Variants in TANC2 observed in about 807,000 individuals in gnomAD.
TANC2 encodes tetratricopeptide repeat, ankyrin repeat and coiled-coil containing 2, also known as protein TANC2.
A neutral mutation model predicts 210.5 loss-of-function variants in TANC2; 26 were observed. The observed-to-expected ratio is 0.12, with a 90% CI of 0.09 to 0.17. The LOEUF (loss-of-function observed/expected upper bound fraction) is 0.17. Among genes scored for constraint, TANC2 ranks in the 10% least tolerant of loss-of-function variants. The pLI is 1.00. For missense variants in TANC2, 2,129 were observed against 2,608.9 expected (o/e 0.82, Z 4.01); for synonymous variants, 931 against 967.1 (o/e 0.96, Z 0.69).
intron 9 of TANC2, among the ~76,000 whole-genome samples, chr17:63,272,722 T>A (rs1225136459): frequency 6.6e-6 from 1 of 152,134 alleles, no homozygotes; most frequent in Non-Finnish European, 1.5e-5. Context: ...AGTTTTTTAA[T>A]CACAATTCTG....
chr17:63,349,206 A>G (rs1227794599), intron 12 of TANC2, among the ~76,000 whole-genome samples: 3 of 152,194 alleles, frequency 2.0e-5, no homozygotes, highest in Non-Finnish European at 4.4e-5. Context: ...ATAAAAAATA[A>G]TATATCATCT....
At chr17:63,014,414 T>G (rs1462879522) in intron 2 of TANC2, among the ~76,000 whole-genome samples, 2 of 152,194 alleles carry the variant, frequency 1.3e-5, no homozygotes, top group African/African-American at 4.8e-5. Flanking sequence ...TAGGTCATAC[T>G]TTCTTGTATC....
chr17:63,352,617 A>G (rs1054817024), intron 13 of TANC2, among the ~76,000 whole-genome samples: 2 of 152,186 alleles, frequency 1.3e-5, no homozygotes. Context: ...TTCTCACATA[A>G]TATCATGTGC....
chr17:63,299,492 G>T (rs796411412), intron 9 of TANC2, among the ~76,000 whole-genome samples: 119 of 147,678 alleles, frequency 8.1e-4, no homozygotes, highest in African/African-American at 2.8e-3. Context: ...GTATCTCATT[G>T]TGGTTTTGAT....
chr17:63,397,790 G>A (rs2048216368), intron 18 of TANC2, among the ~76,000 whole-genome samples: 1 of 152,224 alleles, frequency 6.6e-6, no homozygotes, highest in Non-Finnish European at 1.5e-5. Flanking sequence ...AGGAAGTTGA[G>A]AGATTTGAGT....
At chr17:63,303,091 C>T (rs781439212) in intron 9 of TANC2, among the ~76,000 whole-genome samples, 1 of 152,132 alleles carries the variant, frequency 6.6e-6, no homozygotes, top group Non-Finnish European at 1.5e-5. Context: ...GGCATTTAGT[C>T]CATTTACATT....
intron 1 of TANC2, among the ~76,000 whole-genome samples, chr17:63,001,305 C>G (rs1384060651): frequency 2.0e-5 from 3 of 152,110 alleles, no homozygotes; most frequent in Non-Finnish European, 4.4e-5. Flanking sequence ...GGTACACATT[C>G]ATTCTAGGTA....
At chr17:63,223,714 CTG>C (rs1163297986) in intron 7 of TANC2, among the ~76,000 whole-genome samples, 1 of 152,026 alleles carries the variant, frequency 6.6e-6, no homozygotes, top group Admixed American at 6.6e-5. Context: ...CATTTGTAAA[CTG>C]TCATGGCGGC....
At chr17:63,350,574 G>A (rs1000950040) in intron 12 of TANC2, among the ~76,000 whole-genome samples, 1 of 152,172 alleles carries the variant, frequency 6.6e-6, no homozygotes, top group Non-Finnish European at 1.5e-5. Context: ...CACAGCAGAT[G>A]TTTGTCTTTT....
rs57550590 is a variant in TANC2 at position 63,046,325 on chromosome 17, C to CTTTTTTTTTTTTTTTTTTT, written c.68-27612_68-27594dup. On this transcript the variant is annotated intron_variant, in intron 2 of 27. Transcript: ENST00000689528. ...CAGGTGCGTGCCACCACACCCAGCT[C>CTTTTTTTTTTTTTTTTTTT]TTTTTTTTTTTTTTTTTTTTTTTTG... 3.6e-4 allele frequency among the ~76,000 whole-genome samples: 16 copies of CTTTTTTTTTTTTTTTTTTT among 44,142 alleles called. 2 individuals carry two copies. Among genetic ancestry groups the CTTTTTTTTTTTTTTTTTTT allele is most frequent in the African/African-American group, 1.1e-3 (9 of 8,536 alleles). 29.0% of individuals were successfully genotyped at this position (44,142 alleles called of 152,430 possible). A position where few individuals can be genotyped will look rare whatever the true frequency, so the allele number is the denominator to read the frequency against.
At position 63,418,937 on chromosome 17, in the gene TANC2, T is replaced by C. The variant is rs2048945351; in HGVS notation, c.4268+530T>C. On this transcript the variant is annotated intron_variant, in intron 27 of 27. Coordinates refer to ENST00000689528, the Ensembl canonical transcript of TANC2. This position sits in a 1 kb window ranked among gnomAD's most constrained non-coding sequence, Gnocchi z 4.6. ...CATCACCCACCACACACACACAGAG[T>C]CAAGAGGTCCTTGCTGCCAGGATGG... Among the ~76,000 whole-genome samples, 1 of 151,540 alleles carries C rather than the reference T, an allele frequency of 6.6e-6. No individual in the cohort carries two copies. Among genetic ancestry groups the C allele is most frequent in the African/African-American group, 2.4e-5 (1 of 41,230 alleles).
chr17:63,163,241 A>G (rs1042690899), intron 5 of TANC2, among the ~76,000 whole-genome samples: 7 of 152,218 alleles, frequency 4.6e-5, no homozygotes, highest in South Asian at 2.1e-4. Flanking sequence ...GATTAAGGTT[A>G]TGGACAGTTT....
At chr17:63,149,642 AT>A (rs2039579508) in intron 4 of TANC2, 1 of 144,436 alleles carries the variant, frequency 6.9e-6, no homozygotes, top group South Asian at 2.3e-4. Flanking sequence ...ACTAAGCAGT[AT>A]TGAATAAATA....
In TANC2 at chr17:63,151,245, G is replaced by GCT. The variant is rs778087750; in HGVS notation, c.323-14_323-13dup. On this transcript the variant is annotated intron_variant, in intron 4 of 27. Coordinates refer to ENST00000689528, the Ensembl canonical transcript of TANC2. ...CTCTTGCTCTCTCTGTCTCTTGCTT[G>GCT]CTCTCTCTCTCTTTTTGTTCTTAGC... 11 of 923,158 alleles carry GCT rather than the reference G, an allele frequency of 1.2e-5. No individual in the cohort carries two copies. In the South Asian group the frequency reaches 3.0e-4, roughly 25 times the overall value. The allele number at this position is 923,158 out of a possible 1,614,324, so 57.2% of individuals were successfully genotyped here. A position where few individuals can be genotyped will look rare whatever the true frequency, so the allele number is the denominator to read the frequency against.
intron 14 of TANC2, among the ~76,000 whole-genome samples, chr17:63,368,036 G>A (rs1039992618): frequency 7.9e-5 from 12 of 152,192 alleles, no homozygotes; most frequent in Non-Finnish European, 1.8e-4. Flanking sequence ...GTCTAGGTGA[G>A]GAATGGTAAG....
chr17:63,029,817 A>G (rs958632327), intron 2 of TANC2, among the ~76,000 whole-genome samples: 2 of 152,150 alleles, frequency 1.3e-5, no homozygotes, highest in Non-Finnish European at 2.9e-5. Context: ...AGGAGAATGC[A>G]AGTTGAATTG....
At chr17:63,365,838 T>C (rs1390681203) in intron 14 of TANC2, among the ~76,000 whole-genome samples, 1 of 152,050 alleles carries the variant, frequency 6.6e-6, no homozygotes, top group African/African-American at 2.4e-5. Flanking sequence ...TGTCACGTTA[T>C]CTAAGTAAGT....
At chr17:63,300,669 G>A (rs1278692662) in intron 9 of TANC2, among the ~76,000 whole-genome samples, 2 of 152,158 alleles carry the variant, frequency 1.3e-5, no homozygotes, top group Admixed American at 6.5e-5. Flanking sequence ...TCAGCTTAAG[G>A]AGTTTTTGGG....
chr17:63,268,083 A>G lies in TANC2; in HGVS notation c.1159+210A>G, dbSNP rs1372518916. 2.0e-5 allele frequency among the ~76,000 whole-genome samples: 3 copies of G among 152,218 alleles called. No individual in the cohort carries two copies. The East Asian group carries it at 5.8e-4, about 29-fold the overall frequency. ...TACTCCTCATAGACAGGCATTGTGTAATTATCAACATTTGGAAGCATTAGT... is the reference window on the plus strand; with the variant it reads ...TACTCCTCATAGACAGGCATTGTGTGATTATCAACATTTGGAAGCATTAGT... On this transcript the variant is annotated intron_variant, in intron 9 of 27. Coordinates refer to ENST00000689528, the Ensembl canonical transcript of TANC2.
Sources: gnomAD v4.1 joint callset for allele counts (sites outside exome capture counted in the v4.1 genomes callset) on GRCh38, gnomAD v4.1.1 for gene constraint, Gnocchi (gnomAD v3.1) non-coding constraint, MANE v1.5 for transcripts, NCBI Gene and HGNC (gene_info 2026-07-23, HGNC 2026-07-21) for gene names.